SIM2: variants seen among roughly 807,000 people sequenced by gnomAD.
SIM2 encodes single-minded homolog 2.
A neutral mutation model predicts 64.8 loss-of-function variants in SIM2; 28 were observed. The observed-to-expected ratio is 0.43, with a 90% CI of 0.32 to 0.59. SIM2 has a LOEUF of 0.59. SIM2 is among the 20% of genes least tolerant of loss of function. The pLI, the probability that SIM2 is intolerant of heterozygous loss-of-function variation, is 0.07. For synonymous variants in SIM2, 408 were observed against 391.1 expected, an observed-to-expected ratio of 1.04 and a Z score of -0.51; for missense variants, 847 against 871.4, an observed-to-expected ratio of 0.97 and a Z score of 0.35.
chr21:36,745,334 T>G lies in SIM2; in HGVS notation c.1576+198T>G. 1.4e-6 allele frequency: 2 copies of G among 1,440,690 alleles called. No homozygotes were observed. Among genetic ancestry groups the G allele is most frequent in the Non-Finnish European group, 1.8e-6 (2 of 1,092,272 alleles). The allele number at this position is 1,440,690 out of a possible 1,614,324, so 89.2% of individuals were successfully genotyped here. On this transcript the variant is annotated intron_variant, in intron 10 of 10. Coordinates refer to ENST00000290399, the MANE Select transcript of SIM2 (RefSeq NM_005069.6). The surrounding 1 kb of genome is among the most constrained non-coding windows in gnomAD (Gnocchi z 4.8). ...TCCTCGAGAGTGAGAAATGGCAGTC[T>G]GCCTGCCTCGGGGACACTAGTGACA...
At chr21:36,700,292 T>C (rs2088471906) in intron 1 of SIM2, among the ~76,000 whole-genome samples, 1 of 149,060 alleles carries the variant, frequency 6.7e-6, no homozygotes, top group Non-Finnish European at 1.5e-5. Context: ...TTTTTCTCTC[T>C]TTCTTTCCTT....
Position 36,712,562 on chromosome 21 carries a change from A to G in SIM2, c.288A>G (p.Ala96=), listed in dbSNP as rs2088691612. 4.3e-6 allele frequency: 7 copies of G among 1,613,664 alleles called. No individual in the cohort carries two copies. The highest frequency in any genetic ancestry group is 5.9e-6 in the Non-Finnish European group (7 of 1,179,630). Residue 96 remains alanine, a synonymous_variant, in exon 3 of 11, where the codon GCA becomes GCG. Coordinates refer to ENST00000290399, the MANE Select transcript of SIM2 (RefSeq NM_005069.6). ...TGGATGGATTTGTTTTTGTGGTAGC[A>G]TCTGATGGCAAAATCATGTATATAT... ...QTLDGFVFVV[A]SDGKIMYISE...
In SIM2 at chr21:36,722,766, C is replaced by T. The variant is rs925280289; in HGVS notation, c.458-279C>T. ...GCCCACGGCCCCCAGGAGCGGGCGA[C>T]GGCAGGTGGAGCTCTGCAGGGCCCA... On this transcript the variant is annotated intron_variant, in intron 4 of 10. Coordinates refer to ENST00000290399, the MANE Select transcript of SIM2 (RefSeq NM_005069.6). Among the ~76,000 whole-genome samples the T allele has an allele frequency of 1.1e-4, 16 of 152,304 alleles. No homozygotes were observed. The East Asian group carries it at 2.7e-3, about 26-fold the overall frequency.
Position 36,723,097 on chromosome 21 carries a change from A to G in SIM2, c.510A>G (p.Lys170=), listed in dbSNP as rs908989396. 6.2e-7 allele frequency: 1 copy of G among 1,614,162 alleles called. No homozygotes were observed. Among genetic ancestry groups the G allele is most frequent in the Admixed American group, 1.7e-5 (1 of 60,018 alleles). ...TTCGAATGAAATGTGTCTTGGCGAA[A>G]AGGAACGCGGGCCTGACCTGCAGCG... ...FFLRMKCVLA[K]RNAGLTCSGY... is the part of the protein sequence containing the mutation. Residue 170 remains lysine, a synonymous_variant, in exon 5 of 11, where the codon AAA becomes AAG. Transcript: ENST00000290399.
intron 7 of SIM2, among the ~76,000 whole-genome samples, chr21:36,735,708 C>T (rs2089036269): frequency 6.6e-6 from 1 of 152,198 alleles, no homozygotes; most frequent in Non-Finnish European, 1.5e-5. Context: ...GTCTTAGTGT[C>T]CCAGGCACAA....
chr21:36,729,282 C>A (rs547932020), intron 6 of SIM2, among the ~76,000 whole-genome samples: 4 of 152,228 alleles, frequency 2.6e-5, no homozygotes, highest in African/African-American at 9.6e-5. Flanking sequence ...TCCTGCCACA[C>A]AGAGTTAGAT....
At chr21:36,700,019 C>T (rs765909539) in intron 1 of SIM2, 98 bp downstream of exon 1, 9 of 1,304,290 alleles carry the variant, frequency 6.9e-6, no homozygotes, top group Non-Finnish European at 4.2e-6. Context: ...GTTGCCGCGG[C>T]CTGGCGTCCA....
chr21:36,724,554 C>T (rs1177058485), intron 5 of SIM2, among the ~76,000 whole-genome samples: 1 of 152,252 alleles, frequency 6.6e-6, no homozygotes, highest in African/African-American at 2.4e-5. Flanking sequence ...GTCAGGATTA[C>T]AGACAGGAGC....
intron 5 of SIM2, among the ~76,000 whole-genome samples, chr21:36,724,767 G>A (rs144816004): frequency 1.3e-5 from 2 of 152,260 alleles, no homozygotes; most frequent in Non-Finnish European, 2.9e-5. Context: ...AAAGAGTTTT[G>A]GAACAGAGAA....
chr21:36,729,367 G>A (rs116370860), intron 6 of SIM2, among the ~76,000 whole-genome samples: 2 of 151,890 alleles, frequency 1.3e-5, no homozygotes, highest in East Asian at 1.9e-4. Context: ...GCTCTACAAG[G>A]CCCCCTCCCC....
Position 36,736,786 on chromosome 21 carries a change from CTTCT to C in SIM2, c.851-4924_851-4921del, listed in dbSNP as rs1253714204. ...CTCCCTTTCTTCTTTCTTTCTTTTC[CTTCT>C]TTCTTTTTCTTTCTGTCTTTCCTCC... On this transcript the variant is annotated intron_variant, in intron 7 of 10. Coordinates refer to ENST00000290399, the MANE Select transcript of SIM2 (RefSeq NM_005069.6). Among the ~76,000 whole-genome samples the C allele has an allele frequency of 8.0e-5, 5 of 62,362 alleles. No homozygotes were observed. In the East Asian group the frequency reaches 2.0e-3, roughly 25 times the overall value. 40.9% of individuals were successfully genotyped at this position (62,362 alleles called of 152,430 possible).
intron 3 of SIM2, 35 bp from the exon 4 acceptor site, chr21:36,719,786 G>A: frequency 1.5e-6 from 2 of 1,302,660 alleles, no homozygotes; most frequent in Non-Finnish European, 2.2e-6. Flanking sequence ...TCCCAGAGAG[G>A]CGGTGGCATT....
intron 1 of SIM2, among the ~76,000 whole-genome samples, chr21:36,700,239 C>CTCCT (rs1188616670): frequency 2.0e-5 from 3 of 152,042 alleles, no homozygotes; most frequent in Non-Finnish European, 2.9e-5. Flanking sequence ...TCTCCCTTTC[C>CTCCT]TCCTTCCTTC....
chr21:36,741,573 G>C (rs764901590), intron 7 of SIM2, 144 bp from the exon 8 acceptor site: 14 of 867,664 alleles, frequency 1.6e-5, no homozygotes, highest in Admixed American at 2.1e-5. Flanking sequence ...GACGCACACA[G>C]ACATGCACCC....
In SIM2 at chr21:36,745,968, G is replaced by A. The variant is rs1281220441; in HGVS notation, c.1576+832G>A. 7 of 1,208,478 alleles carry A rather than the reference G, an allele frequency of 5.8e-6. No individual in the cohort carries two copies. Among genetic ancestry groups the A allele is most frequent in the Non-Finnish European group, 7.5e-6 (7 of 939,106 alleles). 74.9% of individuals were successfully genotyped at this position (1,208,478 alleles called of 1,614,324 possible). On this transcript the variant is annotated intron_variant, in intron 10 of 10. Transcript: ENST00000290399. The surrounding 1 kb of genome is among the most constrained non-coding windows in gnomAD (Gnocchi z 4.8). Reference sequence around the variant, plus strand: ...AACTGCCGCTCAGAGTGTAGACCGAGATGGTGCAGATGCCTGCAGTGCCAC... The same window carrying A: ...AACTGCCGCTCAGAGTGTAGACCGAAATGGTGCAGATGCCTGCAGTGCCAC...
intron 1 of SIM2, among the ~76,000 whole-genome samples, chr21:36,700,198 C>T (rs559343648): frequency 1.3e-5 from 2 of 152,226 alleles, no homozygotes; most frequent in African/African-American, 2.4e-5. Context: ...CCAGCCCGCA[C>T]GGCCAGCGAG....
chr21:36,747,931 G>A lies in SIM2; in HGVS notation c.1843G>A (p.Ala615Thr). Residue 615 changes from alanine (A) to threonine (T), a missense_variant, in exon 11 of 11, where the codon GCC becomes ACC. Transcript: ENST00000290399. The surrounding 1 kb of genome is among the most constrained non-coding windows in gnomAD (Gnocchi z 4.5). ...VLARRGPLGG[A>T]APAASGLACA... ...GGCCCGGCGCGGACCGCTGGGGGGC[G>A]CCGCACCCGCCGCCTCCGGCCTGGC... is the stretch of plus-strand genomic sequence containing the variant. 1.9e-6 allele frequency: 2 copies of A among 1,030,352 alleles called. No homozygotes were observed. Among genetic ancestry groups the A allele is most frequent in the Non-Finnish European group, 1.2e-6 (1 of 859,356 alleles). 63.8% of individuals were successfully genotyped at this position (1,030,352 alleles called of 1,614,324 possible). A position where few individuals can be genotyped will look rare whatever the true frequency, so the allele number is the denominator to read the frequency against.
intron 1 of SIM2, among the ~76,000 whole-genome samples, chr21:36,700,872 G>C (rs79632575): frequency 0.053 from 8,060 of 152,354 alleles, 272 homozygotes; most frequent in Middle Eastern, 0.12. Flanking sequence ...GGCCAGGGGC[G>C]CTGGGACCCG....
At position 36,749,277 on chromosome 21, in the gene SIM2, C is replaced by T. The variant is rs2089290651; in HGVS notation, c.*1185C>T. ...CACAATGCATTGAACCGCCGTCCTTCAATTTTCTTCACACTATCAACACTG... is the reference window on the plus strand; with the variant it reads ...CACAATGCATTGAACCGCCGTCCTTTAATTTTCTTCACACTATCAACACTG... On this transcript the variant is annotated 3_prime_UTR_variant, in exon 11 of 11. Coordinates refer to ENST00000290399, the MANE Select transcript of SIM2 (RefSeq NM_005069.6). 1 of 152,612 alleles carries T rather than the reference C, an allele frequency of 6.6e-6. No homozygotes were observed. The highest frequency in any genetic ancestry group is 1.5e-5 in the Non-Finnish European group (1 of 68,028). 9.5% of individuals were successfully genotyped at this position (152,612 alleles called of 1,614,324 possible). A position where few individuals can be genotyped will look rare whatever the true frequency, so the allele number is the denominator to read the frequency against.
Sources: gnomAD v4.1 joint callset for allele counts (sites outside exome capture counted in the v4.1 genomes callset) on GRCh38, gnomAD v4.1.1 for gene constraint, Gnocchi (gnomAD v3.1) non-coding constraint, MANE v1.5 for transcripts, NCBI Gene and HGNC (gene_info 2026-07-23, HGNC 2026-07-21) for gene names.